The following MRM3 variants were observed in gnomAD, a reference collection of about 807,000 sequenced individuals.
MRM3 encodes the protein rRNA methyltransferase 3, mitochondrial.
In MRM3, 26 loss-of-function variants were observed where a neutral mutation model predicts 29.4. The observed-to-expected ratio is 0.89, with a 90% CI of 0.65 to 1.23. The LOEUF is 1.23. MRM3 is among the 50% of genes most tolerant of loss of function. The pLI is 0.00. For missense variants in MRM3, 578 were observed against 540.2 expected (o/e 1.07, Z -0.69); for synonymous variants, 225 against 219.0 (o/e 1.03, Z -0.24).
chr17:789,636 C>G (rs1250054808), intron 3 of MRM3: 1 of 152,244 alleles, frequency 6.6e-6, no homozygotes, highest in Non-Finnish European at 1.5e-5. Context: ...GCAGCTCTTT[C>G]TCAGTCACGC....
chr17:787,910 A>G lies in MRM3; in HGVS notation c.560-55A>G. 4 of 1,532,852 alleles carry G rather than the reference A, an allele frequency of 2.6e-6. No individual in the cohort carries two copies. Among genetic ancestry groups the G allele is most frequent in the Non-Finnish European group, 3.6e-6 (4 of 1,109,776 alleles). The allele number at this position is 1,532,852 out of a possible 1,614,324, so 95.0% of individuals were successfully genotyped here. On this transcript the variant is annotated intron_variant, in intron 2 of 3. Coordinates refer to ENST00000304478, the MANE Select transcript of MRM3 (RefSeq NM_018146.4). This position sits in a 1 kb window ranked among gnomAD's most constrained non-coding sequence, Gnocchi z 4.1. ...AAGATTGATAAGTAAATGAAAAGTC[A>G]GACTATTCCCCGTGCCCACACCAGG... is the stretch of plus-strand genomic sequence containing the variant.
Position 791,792 on chromosome 17 carries a change from C to G in MRM3, c.986C>G (p.Ala329Gly). Reference sequence around the variant, plus strand: ...GAAGAGGAAGATGTAGAAACCGGAGCCAGTCAAGATTGGCTGCCTCATGTT... The same window carrying G: ...GAAGAGGAAGATGTAGAAACCGGAGGCAGTCAAGATTGGCTGCCTCATGTT... Reference protein sequence around the residue: ...YEEEEDVETGASQDWLPHVEV... With the variant: ...YEEEEDVETGGSQDWLPHVEV... The change falls in exon 4 of 4, where the codon GCC (alanine) becomes GGC (glycine). Residue 329 changes from alanine to glycine, a missense_variant. Physicochemically the swap from Ala to Gly is moderately conservative, Grantham distance 60 (BLOSUM62 0). Transcript: ENST00000304478. The G allele has an allele frequency of 6.2e-7, 1 of 1,614,182 alleles. No homozygotes were observed. Among genetic ancestry groups the G allele is most frequent in the Non-Finnish European group, 8.5e-7 (1 of 1,180,048 alleles).
intron 3 of MRM3, chr17:790,302 T>G (rs1910730311): frequency 6.5e-6 from 1 of 152,696 alleles, no homozygotes; most frequent in Non-Finnish European, 1.5e-5. Flanking sequence ...CTCTAGAGTG[T>G]TCCCTGCTCC....
rs770219544 is a variant in MRM3 at position 788,158 on chromosome 17, G to A, written c.727+26G>A. On this transcript the variant is annotated intron_variant, in intron 3 of 3. Transcript: ENST00000304478. ...GTAAGGACATCAAAGGCCAGGCATA[G>A]TGGCTCACACTCGTAATCCAGCCCT... The A allele has an allele frequency of 2.5e-6, 4 of 1,612,360 alleles. No individual in the cohort carries two copies. The African/African-American group carries it at 4.0e-5, about 16-fold the overall frequency.
At chr17:783,851 C>G (rs976772167) in intron 2 of MRM3, among the ~76,000 whole-genome samples, 1 of 152,108 alleles carries the variant, frequency 6.6e-6, no homozygotes, top group Non-Finnish European at 1.5e-5. Context: ...ACCACTATTC[C>G]TCAAACCTTC....
chr17:782,603 G>A lies in MRM3; in HGVS notation c.225G>A (p.Pro75=). 1.2e-6 allele frequency: 2 copies of A among 1,613,998 alleles called. No individual in the cohort carries two copies. The highest frequency in any genetic ancestry group is 2.2e-5 in the East Asian group (1 of 44,884). The part of the protein sequence containing the change: ...ASAQEQREKQ[P]LEESASRAPS... ...CCCAGGAGCAACGAGAGAAACAACC[G>A]CTCGAGGAGTCCGCATCCCGCGCTC... The change falls in exon 1 of 4, where the codon CCG becomes CCA. Residue 75 remains proline, a synonymous_variant. Coordinates refer to ENST00000304478, the MANE Select transcript of MRM3 (RefSeq NM_018146.4).
In MRM3 at chr17:791,833, G is replaced by A. The variant is rs777604700; in HGVS notation, c.1027G>A (p.Asp343Asn). Reference sequence around the variant, plus strand: ...GCCTCATGTTGAGGTTCAGAGTTACGACTCGGACTGGACAGAGGCGCCGGC... The same window carrying A: ...GCCTCATGTTGAGGTTCAGAGTTACAACTCGGACTGGACAGAGGCGCCGGC... ...WLPHVEVQSY[D>N]SDWTEAPAAV... is the part of the protein sequence containing the mutation. The change falls in exon 4 of 4, where the codon GAC (aspartate) becomes AAC (asparagine). Residue 343 changes from aspartate to asparagine, a missense_variant. Transcript: ENST00000304478. 6.8e-6 allele frequency: 11 copies of A among 1,614,146 alleles called. No individual in the cohort carries two copies. The East Asian group carries it at 1.6e-4, about 23-fold the overall frequency.
At chr17:784,589 A>C (rs781160188) in intron 2 of MRM3, among the ~76,000 whole-genome samples, 2 of 151,656 alleles carry the variant, frequency 1.3e-5, no homozygotes, top group East Asian at 3.9e-4. Context: ...ACAGTGGCCA[A>C]CCCATCTTGA....
chr17:785,385 G>A (rs905806024), intron 2 of MRM3, among the ~76,000 whole-genome samples: 1 of 149,904 alleles, frequency 6.7e-6, no homozygotes, highest in Non-Finnish European at 1.5e-5. Context: ...GATTAATAAT[G>A]TAGAGATTAT....
chr17:789,289 C>G (rs1468679867), intron 3 of MRM3, among the ~76,000 whole-genome samples: 3 of 152,188 alleles, frequency 2.0e-5, no homozygotes, highest in Non-Finnish European at 4.4e-5. Flanking sequence ...ACTCCTGAGT[C>G]TTGACTTCTG....
Position 782,606 on chromosome 17 carries a change from C to G in MRM3, c.228C>G (p.Leu76=), listed in dbSNP as rs75116507. The G allele has an allele frequency of 1.2e-6, 2 of 1,613,976 alleles. No individual in the cohort carries two copies. Among genetic ancestry groups the G allele is most frequent in the Non-Finnish European group, 1.7e-6 (2 of 1,179,974 alleles). ...SAQEQREKQP[L]EESASRAPST... The stretch of plus-strand genomic sequence containing the variant: ...AGGAGCAACGAGAGAAACAACCGCT[C>G]GAGGAGTCCGCATCCCGCGCTCCCA... The change falls in exon 1 of 4, where the codon CTC becomes CTG. Residue 76 remains leucine (L), a synonymous_variant. Transcript: ENST00000304478.
chr17:788,919 A>G (rs1208314340), intron 3 of MRM3, among the ~76,000 whole-genome samples: 2 of 152,192 alleles, frequency 1.3e-5, no homozygotes, highest in Admixed American at 6.5e-5. Flanking sequence ...ATTAAGTGAG[A>G]TGATGCACAG....
chr17:783,180 G>A lies in MRM3; in HGVS notation c.412G>A (p.Gly138Arg), dbSNP rs1910280282. 6.2e-7 allele frequency: 1 copy of A among 1,614,146 alleles called. No homozygotes were observed. The highest frequency in any genetic ancestry group is 8.5e-7 in the Non-Finnish European group (1 of 1,180,030). ...GCTCATTTCAGACGCTCTCAAGGCT[G>A]GAGCTGTGCCAAAAATGTTCTTCTT... ...RRLISDALKAGAVPKMFFFSR... is the reference protein window; with the variant it reads ...RRLISDALKARAVPKMFFFSR... Residue 138 changes from glycine to arginine, a missense_variant, in exon 2 of 4, where the codon GGA becomes AGA. Gly to Arg is a moderately radical substitution (Grantham distance 125). Coordinates refer to ENST00000304478, the MANE Select transcript of MRM3 (RefSeq NM_018146.4).
intron 3 of MRM3, chr17:789,838 G>A (rs965388596): frequency 6.6e-6 from 1 of 152,232 alleles, no homozygotes; most frequent in Non-Finnish European, 1.5e-5. Flanking sequence ...GGGAAAGAAG[G>A]TAGGAAATAC....
At position 782,790 on chromosome 17, in the gene MRM3, G is replaced by A. The variant is rs565365264; in HGVS notation, c.314+98G>A. ...CCGATGGAGGACTTCTTCCAGTACA[G>A]CCCGCTGGTTTTTGTATTATGCACA... On this transcript the variant is annotated intron_variant, in intron 1 of 3. Transcript: ENST00000304478. The A allele has an allele frequency of 3.1e-6, 4 of 1,303,996 alleles. No individual in the cohort carries two copies. The African/African-American group carries it at 4.5e-5, about 15-fold the overall frequency. The allele number at this position is 1,303,996 out of a possible 1,614,324, so 80.8% of individuals were successfully genotyped here. A position where few individuals can be genotyped will look rare whatever the true frequency, so the allele number is the denominator to read the frequency against.
intron 2 of MRM3, 132 bp downstream of exon 2, chr17:783,459 C>A: frequency 2.2e-6 from 2 of 895,382 alleles, no homozygotes; most frequent in South Asian, 3.8e-5. Flanking sequence ...GCCTCAGCCT[C>A]CGCAGTAGCT....
Position 791,822 on chromosome 17 carries a change from T to A in MRM3, c.1016T>A (p.Val339Asp), listed in dbSNP as rs80220493. The A allele has an allele frequency of 0.017, 28,212 of 1,614,120 alleles. 353 individuals carry two copies. Among genetic ancestry groups the A allele is most frequent in the East Asian group, 0.07 (3,124 of 44,880 alleles). The change falls in exon 4 of 4, where the codon GTT (valine) becomes GAT (aspartate). Residue 339 changes from valine to aspartate, a missense_variant. Transcript: ENST00000304478. ...ASQDWLPHVE[V>D]QSYDSDWTEA... ...CAAGATTGGCTGCCTCATGTTGAGG[T>A]TCAGAGTTACGACTCGGACTGGACA...
chr17:783,349 C>CTTT (rs35144249), intron 2 of MRM3, 22 bp downstream of exon 2: 377 of 1,322,232 alleles, frequency 2.9e-4, no homozygotes, highest in South Asian at 8.1e-4. Flanking sequence ...CCCAGTGTAT[C>CTTT]TTTTTTTTTT....
At chr17:789,155 A>G (rs1910681095) in intron 3 of MRM3, among the ~76,000 whole-genome samples, 1 of 152,160 alleles carries the variant, frequency 6.6e-6, no homozygotes, top group African/African-American at 2.4e-5. Context: ...TTATCATGAA[A>G]CCTGCTAGGC....
Sources: gnomAD v4.1 joint callset for allele counts (sites outside exome capture counted in the v4.1 genomes callset) on GRCh38, gnomAD v4.1.1 for gene constraint, Gnocchi (gnomAD v3.1) non-coding constraint, MANE v1.5 for transcripts, NCBI Gene and HGNC (gene_info 2026-07-23, HGNC 2026-07-21) for gene names.